The following TTC19 variants were observed in gnomAD, a reference collection of about 807,000 sequenced individuals.
TTC19 encodes tetratricopeptide repeat protein 19, mitochondrial.
TTC19 carries 38 observed loss-of-function variants against 49.5 expected under a neutral mutation model. That is an observed-to-expected ratio of 0.77 (90% CI 0.59 to 1.01). The LOEUF (loss-of-function observed/expected upper bound fraction) is 1.01. Ranked by LOEUF, TTC19 falls within the 50% of genes least tolerant of loss-of-function variation. TTC19 has a pLI of 0.00. For synonymous variants in TTC19, 204 were observed against 185.2 expected (o/e 1.10, Z -0.83); for missense variants, 475 against 477.7 (o/e 0.99, Z 0.05).
chr17:16,002,149 A>C, intron 3 of TTC19, 124 bp downstream of exon 3: 1 of 757,764 alleles, frequency 1.3e-6, no homozygotes, highest in Non-Finnish European at 2.3e-6. Context: ...CTTTTTACTG[A>C]GTTTTCTTTT....
intron 4 of TTC19, 45 bp from the exon 5 acceptor site, chr17:16,003,786 A>AT: frequency 4.0e-6 from 6 of 1,494,314 alleles, no homozygotes; most frequent in Admixed American, 1.8e-5. Flanking sequence ...TATATATATA[A>AT]AATGGGGCCC....
At chr17:16,015,786 GACTATGACCAGT>G (rs1417947703) in intron 7 of TTC19, among the ~76,000 whole-genome samples, 2 of 152,166 alleles carry the variant, frequency 1.3e-5, no homozygotes, top group African/African-American at 4.8e-5. Context: ...AATACTCCAG[GACTATGACCAGT>G]ACTCATTAGG....
At chr17:16,040,002 C>T in intron 2 of TTC19, 1 of 390,442 alleles carries the variant, frequency 2.6e-6, no homozygotes, top group Non-Finnish European at 4.9e-6. Flanking sequence ...ATTGGTCAGG[C>T]TGATCTCGAA....
chr17:16,023,906 G>GA (rs1239314349), intron 7 of TTC19: 1 of 152,208 alleles, frequency 6.6e-6, no homozygotes. Flanking sequence ...ACATAGAAGG[G>GA]AACGGGCTTG....
intron 8 of TTC19, 127 bp from the exon 9 acceptor site, chr17:16,026,413 A>C (rs1971562174): frequency 1.2e-6 from 1 of 835,602 alleles, no homozygotes; most frequent in Admixed American, 2.5e-5. Context: ...AAAGAATGGT[A>C]TCCCTCATCT....
At chr17:16,030,051 A>G (rs952950150), downstream of TTC19, 2 of 175,312 alleles carry the variant, frequency 1.1e-5, no homozygotes, top group Non-Finnish European at 2.5e-5. Flanking sequence ...TTAACTACTC[A>G]TGGCCTACTG....
chr17:16,032,564 G>C (rs1972298756), downstream of TTC19: 1 of 1,330,522 alleles, frequency 7.5e-7, no homozygotes, highest in Non-Finnish European at 1.0e-6. Context: ...GGATGGAGTA[G>C]AATAGGATTA....
chr17:16,038,598 A>G (rs1332118438), intron 2 of TTC19, among the ~76,000 whole-genome samples: 1 of 151,930 alleles, frequency 6.6e-6, no homozygotes, highest in Non-Finnish European at 1.5e-5. Flanking sequence ...CACCACACCC[A>G]GCTAATTTTT....
chr17:16,002,806 C>T lies in TTC19; in HGVS notation c.437C>T (p.Ala146Val). Residue 146 changes from alanine to valine, a missense_variant, in exon 4 of 10, where the codon GCA becomes GTA. Physicochemically the swap from Ala to Val is moderately conservative, Grantham distance 64. Transcript: ENST00000261647. ...ATTTGCTTTCAGATGGCCAACTTAG[C>T]ATTTATACGGGGTCAGCTTGAAAAT... Reference protein sequence around the residue: ...TYTYDLMANLAFIRGQLENAE... With the variant: ...TYTYDLMANLVFIRGQLENAE... 1.2e-6 allele frequency: 2 copies of T among 1,613,980 alleles called. No homozygotes were observed. Among genetic ancestry groups the T allele is most frequent in the Middle Eastern group, 3.3e-4 (2 of 6,062 alleles).
At chr17:16,014,780 C>G (rs1971166589) in intron 7 of TTC19, among the ~76,000 whole-genome samples, 1 of 152,146 alleles carries the variant, frequency 6.6e-6, no homozygotes, top group Admixed American at 6.5e-5. Context: ...GTAATTGTTT[C>G]CTTCCAGAGA....
chr17:16,008,049 G>T (rs1970962773), intron 7 of TTC19, among the ~76,000 whole-genome samples: 1 of 152,140 alleles, frequency 6.6e-6, no homozygotes, highest in Non-Finnish European at 1.5e-5. Context: ...TGCCTCACTG[G>T]TCTCTCTAGT....
intron 9 of TTC19, 31 bp downstream of exon 9, chr17:16,026,733 C>T: frequency 6.2e-7 from 1 of 1,612,240 alleles, no homozygotes; most frequent in Non-Finnish European, 8.5e-7. Flanking sequence ...AACTGACTTG[C>T]TTTAAGGGAG....
chr17:16,030,204 C>T (rs1316687250), downstream of TTC19: 2 of 226,374 alleles, frequency 8.8e-6, no homozygotes, highest in Admixed American at 5.8e-5. Context: ...ATTTACTATT[C>T]ATTAAGTGGA....
At chr17:16,003,939 T>C (rs1426364508) in intron 5 of TTC19, 52 bp downstream of exon 5, 1 of 1,585,638 alleles carries the variant, frequency 6.3e-7, no homozygotes, top group Admixed American at 1.7e-5. Context: ...TTCAAAACAG[T>C]CTTGTCTCCT....
intron 7 of TTC19, among the ~76,000 whole-genome samples, chr17:16,014,101 A>G (rs944394793): frequency 1.3e-5 from 2 of 152,184 alleles, no homozygotes; most frequent in Non-Finnish European, 2.9e-5. Flanking sequence ...AACTATAACA[A>G]TTCCCAGGAA....
chr17:16,001,092 TTCCTGGCC>T (rs1042642731), intron 2 of TTC19, among the ~76,000 whole-genome samples: 13 of 152,318 alleles, frequency 8.5e-5, no homozygotes, highest in African/African-American at 2.6e-4. Flanking sequence ...CCAGTAGTCT[TTCCTGGCC>T]TCCTGGCCTC....
Position 16,000,164 on chromosome 17 carries a change from G to C in TTC19, c.231G>C (p.Gln77His), listed in dbSNP as rs1322542073. The C allele has an allele frequency of 6.3e-7, 1 of 1,590,028 alleles. No individual in the cohort carries two copies. The highest frequency in any genetic ancestry group is 2.2e-5 in the East Asian group (1 of 44,652). ...SRPAAAEEEEQQGADGAAAED... is the reference protein window; with the variant it reads ...SRPAAAEEEEHQGADGAAAED... Reference sequence around the variant, plus strand: ...CCGCTGCGGCAGAGGAGGAGGAGCAGCAGGGAGCCGACGGGGCCGCTGCCG... The same window carrying C: ...CCGCTGCGGCAGAGGAGGAGGAGCACCAGGGAGCCGACGGGGCCGCTGCCG... The change falls in exon 2 of 10, where the codon CAG becomes CAC. Residue 77 changes from glutamine to histidine, a missense_variant. By Grantham distance (24) the Gln-to-His change is conservative. Coordinates refer to ENST00000261647, the MANE Select transcript of TTC19 (RefSeq NM_017775.4).
At position 16,000,555 on chromosome 17, in the gene TTC19, C is replaced by A. The variant is rs115330129; in HGVS notation, c.312+310C>A. The A allele has an allele frequency of 4.8e-3, 2,613 of 539,422 alleles. 54 individuals are homozygous for A. Among genetic ancestry groups the A allele is most frequent in the African/African-American group, 0.048 (2,420 of 50,132 alleles). 33.4% of individuals were successfully genotyped at this position (539,422 alleles called of 1,614,324 possible). A position where few individuals can be genotyped will look rare whatever the true frequency, so the allele number is the denominator to read the frequency against. ...TGGTTTTATCAATTAACCAGCCTAT[C>A]TGAAATGACATAATTTCGCACGTAT... On this transcript the variant is annotated intron_variant, in intron 2 of 9. Transcript: ENST00000261647.
At chr17:16,015,198 A>T (rs1971179619) in intron 7 of TTC19, among the ~76,000 whole-genome samples, 1 of 152,188 alleles carries the variant, frequency 6.6e-6, no homozygotes, top group African/African-American at 2.4e-5. Flanking sequence ...GTTCCTTGAA[A>T]GTTGCAGAGT....
Sources: allele counts gnomAD v4.1 joint callset (sites outside exome capture counted in the v4.1 genomes callset), GRCh38; gene constraint gnomAD v4.1.1; transcripts MANE v1.5; gene names NCBI Gene and HGNC (gene_info 2026-07-23, HGNC 2026-07-21).